TSC22D1: variants seen among roughly 807,000 people sequenced by gnomAD.
TSC22D1 encodes the protein TSC22 domain family protein 1.
A neutral mutation model predicts 74.2 loss-of-function variants in TSC22D1; 9 were observed. The ratio of observed to expected loss-of-function variants is 0.12; its 90% CI spans 0.07 to 0.21. TSC22D1 has a LOEUF of 0.21. Among genes scored for constraint, TSC22D1 ranks in the 10% least tolerant of loss-of-function variants. TSC22D1 has a pLI of 1.00. For synonymous variants in TSC22D1, 586 were observed against 492.5 expected, an observed-to-expected ratio of 1.19 and a Z score of -2.51; for missense variants, 1,427 against 1,304.7, an observed-to-expected ratio of 1.09 and a Z score of -1.44.
chr13:44,567,503 G>GA (rs140699188), intron 1 of TSC22D1, among the ~76,000 whole-genome samples: 11,674 of 142,370 alleles, frequency 0.082, 634 homozygotes, highest in African/African-American at 0.17. Flanking sequence ...CACATAGAAA[G>GA]AAAAAAAAAA....
intron 1 of TSC22D1, among the ~76,000 whole-genome samples, chr13:44,532,375 A>C (rs9533896): frequency 6.6e-6 from 1 of 152,176 alleles, no homozygotes; most frequent in African/African-American, 2.4e-5. Context: ...GCCAAAGGTA[A>C]CATAAGGTCA....
At chr13:44,519,662 G>C (rs1186714897) in intron 1 of TSC22D1, among the ~76,000 whole-genome samples, 1 of 152,010 alleles carries the variant, frequency 6.6e-6, no homozygotes, top group Non-Finnish European at 1.5e-5. Flanking sequence ...AAAATTAATT[G>C]GAAGCCAATA....
intron 2 of TSC22D1, 200 bp downstream of exon 2, chr13:44,435,844 T>C: frequency 6.5e-6 from 4 of 618,386 alleles, no homozygotes; most frequent in South Asian, 1.9e-5. Context: ...GACCATTTAA[T>C]ACCCGCAGGG....
intron 2 of TSC22D1, chr13:44,435,664 C>T: frequency 3.7e-6 from 1 of 272,934 alleles, no homozygotes; most frequent in South Asian, 3.7e-5. Context: ...GGGCCCTCCC[C>T]ACCTCCCGGC....
chr13:44,496,708 A>T (rs1412500989), intron 1 of TSC22D1, among the ~76,000 whole-genome samples: 2 of 151,934 alleles, frequency 1.3e-5, no homozygotes, highest in Admixed American at 1.3e-4. Flanking sequence ...ATAATAATAA[A>T]AAATAAATTA....
chr13:44,551,391 T>TGGGTGG (rs775177585), intron 1 of TSC22D1, among the ~76,000 whole-genome samples: 9 of 51,490 alleles, frequency 1.7e-4, no homozygotes, highest in African/African-American at 9.0e-4. Flanking sequence ...ATCAGATGGG[T>TGGGTGG]GTGTGTGTGT....
At chr13:44,533,020 TAA>T (rs1595142154) in intron 1 of TSC22D1, among the ~76,000 whole-genome samples, 1 of 152,170 alleles carries the variant, frequency 6.6e-6, no homozygotes, top group African/African-American at 2.4e-5. Flanking sequence ...ACAATTTGTT[TAA>T]AAGAGTGTGG....
chr13:44,533,925 G>A (rs1880996083), intron 1 of TSC22D1, among the ~76,000 whole-genome samples: 1 of 152,154 alleles, frequency 6.6e-6, no homozygotes, highest in Non-Finnish European at 1.5e-5. Flanking sequence ...TACATCAAAA[G>A]GTAAGGTGGA....
chr13:44,495,310 AAC>A lies in TSC22D1; in HGVS notation c.2913-59217_2913-59216del, dbSNP rs1491026544. ...AAATGCTAAGGAAAAAAAAAAAAAA[AAC>A]AGTCTAACGGTAATTCTATATCTGA... On this transcript the variant is annotated intron_variant, in intron 1 of 2. Coordinates refer to ENST00000458659, the MANE Select transcript of TSC22D1 (RefSeq NM_183422.4). Among the ~76,000 whole-genome samples the A allele has an allele frequency of 1.7e-4, 26 of 150,616 alleles. No individual in the cohort carries two copies. In the South Asian group the frequency reaches 5.5e-3, roughly 32 times the overall value.
chr13:44,537,581 T>C (rs1419595400), intron 1 of TSC22D1: 34 of 985,018 alleles, frequency 3.5e-5, no homozygotes, highest in East Asian at 1.1e-4. Flanking sequence ...CAGTTCTTCC[T>C]AAAACGATGG....
At chr13:44,525,203 T>C (rs1359084563) in intron 1 of TSC22D1, among the ~76,000 whole-genome samples, 2 of 152,102 alleles carry the variant, frequency 1.3e-5, no homozygotes, top group African/African-American at 2.4e-5. Context: ...CAGGACTACA[T>C]ACAGACTATT....
Position 44,553,147 on chromosome 13 carries a change from G to A in TSC22D1, c.2912+20016C>T, listed in dbSNP as rs574697716. Among the ~76,000 whole-genome samples, 67 of 152,140 alleles carry A rather than the reference G, an allele frequency of 4.4e-4. 1 individual carries two copies. The highest frequency in any genetic ancestry group is 7.9e-4 in the Non-Finnish European group (54 of 68,020). On this transcript the variant is annotated intron_variant, in intron 1 of 2. Coordinates refer to ENST00000458659, the MANE Select transcript of TSC22D1 (RefSeq NM_183422.4). Reference sequence around the variant, plus strand: ...TTCTCATATATAAAATGAAGCAAACGAACATTTCTCAATCTGTGTTTCAAG... The same window carrying A: ...TTCTCATATATAAAATGAAGCAAACAAACATTTCTCAATCTGTGTTTCAAG...
chr13:44,464,778 C>A (rs1595097288), intron 1 of TSC22D1, among the ~76,000 whole-genome samples: 1 of 152,338 alleles, frequency 6.6e-6, no homozygotes, highest in East Asian at 1.9e-4. Flanking sequence ...GGAGCCCCTA[C>A]CAGCTTTGTG....
chr13:44,573,973 A>G lies in TSC22D1; in HGVS notation c.2102T>C (p.Val701Ala), dbSNP rs749815842. The G allele has an allele frequency of 2.8e-5, 45 of 1,613,944 alleles. No homozygotes were observed. Among genetic ancestry groups the G allele is most frequent in the Non-Finnish European group, 3.3e-5 (39 of 1,180,040 alleles). The change falls in exon 1 of 3, where the codon GTC (valine) becomes GCC (alanine). Residue 701 changes from valine (V) to alanine (A), a missense_variant. Val to Ala is a moderately conservative substitution (Grantham distance 64). Transcript: ENST00000458659. ...GIQLPVQPTA[V>A]PAQPAGASVQ... ...AGATGCCCCTGCAGGTTGTGCTGGG[A>G]CTGCTGTGGGCTGCACTGGCAGCTG...
chr13:44,574,681 G>C lies in TSC22D1; in HGVS notation c.1394C>G (p.Thr465Ser). Reference sequence around the variant, plus strand: ...ACTACTGCTCACTGAACTCCCACTAGTGCTCTCCCTTTCAGAAGTCACTTC... The same window carrying C: ...ACTACTGCTCACTGAACTCCCACTACTGCTCTCCCTTTCAGAAGTCACTTC... Reference protein sequence around the residue: ...PIEVTSERESTSGSSVSSSVS... With the variant: ...PIEVTSERESSSGSSVSSSVS... The change falls in exon 1 of 3, where the codon ACT (threonine) becomes AGT (serine). Residue 465 changes from threonine to serine, a missense_variant. Transcript: ENST00000458659. The C allele has an allele frequency of 1.2e-6, 2 of 1,614,124 alleles. No homozygotes were observed. The highest frequency in any genetic ancestry group is 1.7e-6 in the Non-Finnish European group (2 of 1,180,034).
rs148965279 is a variant in TSC22D1 at position 44,521,859 on chromosome 13, T to C, written c.2912+51304A>G. Among the ~76,000 whole-genome samples the C allele has an allele frequency of 6.6e-5, 10 of 152,326 alleles. 1 individual carries two copies. The South Asian group carries it at 1.7e-3, about 25-fold the overall frequency. On this transcript the variant is annotated intron_variant, in intron 1 of 2. Coordinates refer to ENST00000458659, the MANE Select transcript of TSC22D1 (RefSeq NM_183422.4). The stretch of plus-strand genomic sequence containing the variant: ...GCACTATAATTTACCTACATACATA[T>C]GGATCTTCCTCACTAAATTTGGGCA...
chr13:44,452,223 TAAGGCAACCCC>T (rs1876201078), intron 1 of TSC22D1, among the ~76,000 whole-genome samples: 1 of 152,172 alleles, frequency 6.6e-6, no homozygotes, highest in Admixed American at 6.5e-5. Context: ...TGAGATGTTG[TAAGGCAACCCC>T]AATGTATAGC....
chr13:44,527,810 C>G (rs1880621661), intron 1 of TSC22D1, among the ~76,000 whole-genome samples: 1 of 152,010 alleles, frequency 6.6e-6, no homozygotes, highest in African/African-American at 2.4e-5. Flanking sequence ...ACAAGAAACC[C>G]ATTTTAAATA....
rs71070912 is a variant in TSC22D1, at chr13:44,517,857, ATTTTTT to A, written c.2912+55300_2912+55305del. On this transcript the variant is annotated intron_variant, in intron 1 of 2. Transcript: ENST00000458659. ...TATATATATATATATATATATATATATTTTTTTTTTTTTTTTTTTTTTAACAAGGTC... is the reference window on the plus strand; with the variant it reads ...TATATATATATATATATATATATATATTTTTTTTTTTTTTTTAACAAGGTC... Among the ~76,000 whole-genome samples, 19 of 16,162 alleles carry A rather than the reference ATTTTTT, an allele frequency of 1.2e-3. 1 individual carries two copies. Among genetic ancestry groups the A allele is most frequent in the African/African-American group, 2.9e-3 (16 of 5,484 alleles). 10.6% of individuals were successfully genotyped at this position (16,162 alleles called of 152,430 possible).
Sources: allele counts gnomAD v4.1 joint callset (sites outside exome capture counted in the v4.1 genomes callset), GRCh38; gene constraint gnomAD v4.1.1; transcripts MANE v1.5; gene names NCBI Gene and HGNC (gene_info 2026-07-23, HGNC 2026-07-21).